Variants in RFC3 observed in about 807,000 individuals in gnomAD.
The protein encoded by RFC3 is replication factor C subunit 3, also known as A1 38 kDa subunit.
Under a neutral mutation model 45.1 loss-of-function variants are expected in RFC3, and 41 were observed. The observed-to-expected ratio is 0.91, with a 90% CI of 0.71 to 1.18. The LOEUF is 1.18. RFC3 is among the 50% of genes most tolerant of loss of function. The pLI is 0.00. For missense variants in RFC3, 423 were observed against 428.1 expected (o/e 0.99, Z 0.10); for synonymous variants, 149 against 144.0 (o/e 1.03, Z -0.25).
Position 33,917,013 on chromosome 13 carries a change from TACTG to T in RFC3, c.880-49073_880-49070del, listed in dbSNP as rs1203734812. Among the ~76,000 whole-genome samples, 7 of 152,282 alleles carry T rather than the reference TACTG, an allele frequency of 4.6e-5. No homozygotes were observed. In the South Asian group the frequency reaches 8.3e-4, roughly 18 times the overall value. ...TGAGTGCAGGAGACTTCAGAAATAT[TACTG>T]TGCTAAATTTCAAGCTCCTGAAACT... On this transcript the variant is annotated intron_variant, in intron 8 of 8. Coordinates refer to the RFC3 transcript ENST00000434425.
chr13:33,969,762 T>C (rs1450425760), downstream of RFC3, among the ~76,000 whole-genome samples: 2 of 152,162 alleles, frequency 1.3e-5, no homozygotes, highest in African/African-American at 4.8e-5. Flanking sequence ...CAGTTTCCTC[T>C]CCTGTAAAAT....
At chr13:33,822,643 C>T (rs1384689640) in intron 2 of RFC3, among the ~76,000 whole-genome samples, 1 of 152,144 alleles carries the variant, frequency 6.6e-6, no homozygotes, top group East Asian at 1.9e-4. Context: ...AGCAGTGTGT[C>T]ATCATAGCTA....
At chr13:33,904,584 C>T (rs2082660787) in intron 8 of RFC3, among the ~76,000 whole-genome samples, 1 of 152,010 alleles carries the variant, frequency 6.6e-6, no homozygotes, top group African/African-American at 2.4e-5. Flanking sequence ...AGGAACCCTC[C>T]CGAAGCAAGG....
At chr13:33,908,929 C>T (rs2082688156) in intron 8 of RFC3, among the ~76,000 whole-genome samples, 1 of 152,032 alleles carries the variant, frequency 6.6e-6, no homozygotes, top group Admixed American at 6.6e-5. Context: ...GTGGGAGGGT[C>T]AACATTTGTT....
chr13:33,962,764 G>C (rs569283157), intron 8 of RFC3, among the ~76,000 whole-genome samples: 3 of 152,222 alleles, frequency 2.0e-5, no homozygotes, highest in African/African-American at 4.8e-5. Flanking sequence ...TGTATGTATA[G>C]ATACATACAT....
intron 4 of RFC3, among the ~76,000 whole-genome samples, chr13:33,828,593 G>C (rs1282353940): frequency 6.6e-6 from 1 of 152,150 alleles, no homozygotes; most frequent in Admixed American, 6.5e-5. Context: ...GGAGTGCAGC[G>C]GTGCCATCAG....
chr13:33,942,496 C>A (rs2082930981), intron 8 of RFC3, among the ~76,000 whole-genome samples: 1 of 152,012 alleles, frequency 6.6e-6, no homozygotes, highest in South Asian at 2.1e-4. Flanking sequence ...TAATTTAATG[C>A]TAAGGTACAT....
intron 8 of RFC3, among the ~76,000 whole-genome samples, chr13:33,900,538 T>TTAAG (rs1491392257): frequency 2.1e-5 from 3 of 145,992 alleles, no homozygotes; most frequent in Non-Finnish European, 1.5e-5. Context: ...AAAAAACGTA[T>TTAAG]TAAGACCTGT....
chr13:33,898,578 T>C (rs1203650713), intron 8 of RFC3, among the ~76,000 whole-genome samples: 1 of 151,772 alleles, frequency 6.6e-6, no homozygotes, highest in East Asian at 1.9e-4. Context: ...AATAAACAAC[T>C]TAATGATGTA....
chr13:33,830,762 A>C lies in RFC3; in HGVS notation c.617A>C (p.Asn206Thr), dbSNP rs184818069. Residue 206 changes from asparagine (N) to threonine (T), a missense_variant, in exon 6 of 9, where the codon AAT (asparagine) becomes ACT (threonine). Coordinates refer to ENST00000380071, the MANE Select transcript of RFC3 (RefSeq NM_002915.4). ...LSTVCKKEGL[N>T]LPSQLAHRLA... ...ACTGTGTGTAAGAAGGAAGGTCTGA[A>C]TCTTCCTTCACAACTGGCTCATAGA... 47 of 1,613,420 alleles carry C rather than the reference A, an allele frequency of 2.9e-5. No individual in the cohort carries two copies. In the East Asian group the frequency reaches 9.4e-4, roughly 32 times the overall value.
At chr13:33,908,175 A>C (rs531342667) in intron 8 of RFC3, among the ~76,000 whole-genome samples, 3 of 151,752 alleles carry the variant, frequency 2.0e-5, no homozygotes, top group Non-Finnish European at 4.4e-5. Context: ...CTGAAAAAAA[A>C]CACACACACA....
chr13:33,938,114 G>C (rs748479333), intron 8 of RFC3, among the ~76,000 whole-genome samples: 1 of 134,914 alleles, frequency 7.4e-6, no homozygotes, highest in African/African-American at 2.8e-5. Context: ...GTTTGCAAAT[G>C]TCCTAAGGAA....
At chr13:33,838,308 C>T (rs949099999), downstream of RFC3, among the ~76,000 whole-genome samples, 3 of 152,140 alleles carry the variant, frequency 2.0e-5, no homozygotes, top group African/African-American at 7.2e-5. Context: ...TGTAGACACT[C>T]CAGCTTTCTT....
chr13:33,821,685 G>A (rs2082005154), intron 2 of RFC3, among the ~76,000 whole-genome samples: 1 of 152,156 alleles, frequency 6.6e-6, no homozygotes, highest in Admixed American at 6.5e-5. Context: ...TGACTGACTG[G>A]GAAAGGAGGC....
chr13:33,821,014 C>T (rs2081997814), intron 1 of RFC3, 118 bp from the exon 2 acceptor site: 1 of 980,562 alleles, frequency 1.0e-6, no homozygotes, highest in Non-Finnish European at 1.5e-6. Context: ...TGTATCTACT[C>T]ATGAACTGGG....
chr13:33,897,404 A>G (rs2082607556), intron 8 of RFC3, among the ~76,000 whole-genome samples: 1 of 152,050 alleles, frequency 6.6e-6, no homozygotes, highest in Non-Finnish European at 1.5e-5. Context: ...TACTCATAAC[A>G]TAAAAACCTA....
chr13:33,890,930 C>A (rs2082559701), intron 8 of RFC3, among the ~76,000 whole-genome samples: 1 of 152,118 alleles, frequency 6.6e-6, no homozygotes, highest in South Asian at 2.1e-4. Flanking sequence ...TTAAAACATG[C>A]AAATGTCATA....
intron 8 of RFC3, among the ~76,000 whole-genome samples, chr13:33,946,618 A>G (rs1159195770): frequency 6.6e-6 from 1 of 152,210 alleles, no homozygotes; most frequent in Non-Finnish European, 1.5e-5. Flanking sequence ...ATAGTTTTAT[A>G]TTTTTGTAAA....
chr13:33,954,018 A>G (rs1489837818), intron 8 of RFC3, among the ~76,000 whole-genome samples: 1 of 152,328 alleles, frequency 6.6e-6, no homozygotes, highest in African/African-American at 2.4e-5. Context: ...TCTACAAACA[A>G]GATTTTAAAG....
Sources: allele counts gnomAD v4.1 joint callset (sites outside exome capture counted in the v4.1 genomes callset), GRCh38; gene constraint gnomAD v4.1.1; transcripts MANE v1.5; gene names NCBI Gene and HGNC (gene_info 2026-07-23, HGNC 2026-07-21).